RPAP1: variants seen among roughly 807,000 people sequenced by gnomAD.
The protein encoded by RPAP1 is RNA polymerase II-associated protein 1.
A neutral mutation model predicts 142.4 loss-of-function variants in RPAP1; 109 were observed. The observed-to-expected ratio is 0.77, with a 90% confidence interval of 0.66 to 0.90. The LOEUF is 0.90. RPAP1 is among the 40% of genes least tolerant of loss of function. The pLI, the probability that RPAP1 is intolerant of heterozygous loss-of-function variation, is 0.00. For missense variants in RPAP1, 1,546 were observed against 1,751.7 expected (o/e 0.88, Z 2.10); for synonymous variants, 704 against 738.9 (o/e 0.95, Z 0.77).
rs777560659 is a variant in RPAP1 at position 41,518,035 on chromosome 15, A to G, written c.3943T>C (p.Phe1315Leu). ...CTCTGTGGGTCCTGAGAGAAGATGA[A>G]GCTATTGACATGAGCCACAGCCACA... ...YAVAVAHVNS[F>L]IFSQDPQSSD... The change falls in exon 23 of 25, where the codon TTC becomes CTC. Residue 1315 changes from phenylalanine to leucine, a missense_variant. Phe to Leu is a conservative substitution (Grantham distance 22, BLOSUM62 0). This residue lies in a region of RPAP1 where 210 missense variants were observed against 248.0 expected (regional missense o/e 0.85). Transcript: ENST00000304330. The G allele has an allele frequency of 6.2e-7, 1 of 1,614,072 alleles. No homozygotes were observed. The highest frequency in any genetic ancestry group is 1.6e-4 in the Middle Eastern group (1 of 6,062).
chr15:41,518,233 A>T (rs757975028), intron 22 of RPAP1, 51 bp from the exon 23 acceptor site: 1 of 1,476,658 alleles, frequency 6.8e-7, no homozygotes. Flanking sequence ...ATGTATATAC[A>T]TACATAAGGT....
intron 7 of RPAP1, among the ~76,000 whole-genome samples, chr15:41,530,435 T>C (rs889660245): frequency 6.6e-6 from 1 of 152,148 alleles, no homozygotes; most frequent in Non-Finnish European, 1.5e-5. Flanking sequence ...TTTTCCTCCT[T>C]CACGCCTACC....
At chr15:41,523,131 C>T in intron 18 of RPAP1, 114 bp downstream of exon 18, 2 of 969,404 alleles carry the variant, frequency 2.1e-6, no homozygotes, top group Non-Finnish European at 3.0e-6. Context: ...TCGGGTTTCC[C>T]TCGGGCCGAG....
chr15:41,531,637 T>A lies in RPAP1; in HGVS notation c.764-435A>T, dbSNP rs28507543. Reference sequence around the variant, plus strand: ...TATATATATATATATATTTTTTTTTTTTTTTTTTTTTTTTTTTTTTTGAGA... The same window carrying A: ...TATATATATATATATATTTTTTTTTATTTTTTTTTTTTTTTTTTTTTGAGA... On this transcript the variant is annotated intron_variant, in intron 6 of 24. Coordinates refer to ENST00000304330, the MANE Select transcript of RPAP1 (RefSeq NM_015540.4). Among the ~76,000 whole-genome samples the A allele has an allele frequency of 2.5e-3, 128 of 50,532 alleles. 3 individuals carry two copies. Among genetic ancestry groups the A allele is most frequent in the South Asian group, 0.01 (18 of 1,726 alleles). 33.2% of individuals were successfully genotyped at this position (50,532 alleles called of 152,430 possible).
chr15:41,523,505 C>T (rs2051753722), intron 17 of RPAP1, 151 bp from the exon 18 acceptor site: 6 of 656,112 alleles, frequency 9.1e-6, no homozygotes, highest in South Asian at 1.9e-5. Context: ...GAGAAGGCCC[C>T]GATGTGTAGG....
chr15:41,523,030 G>A, intron 18 of RPAP1, 70 bp from the exon 19 acceptor site: 3 of 1,350,106 alleles, frequency 2.2e-6, no homozygotes, highest in Non-Finnish European at 3.0e-6. Flanking sequence ...GAGCTTCTGG[G>A]TCTGTACCTA....
chr15:41,520,317 TC>T (rs2051710789), intron 22 of RPAP1, 73 bp downstream of exon 22: 1 of 1,528,258 alleles, frequency 6.5e-7, no homozygotes, highest in Non-Finnish European at 9.0e-7. Flanking sequence ...CTTCCAAAGC[TC>T]CTCAAGGCTC....
In RPAP1 at chr15:41,535,646, A is replaced by G. The variant is rs927364355; in HGVS notation, c.421-14T>C. ...TGCTGATTTCCCCTGTGGGGCAAAA[A>G]GAAAACCCAGGTTACTGATGCTCAT... On this transcript the variant is annotated splice_polypyrimidine_tract_variant and intron_variant, in intron 4 of 24. Coordinates refer to ENST00000304330, the MANE Select transcript of RPAP1 (RefSeq NM_015540.4). 1 of 1,609,204 alleles carries G rather than the reference A, an allele frequency of 6.2e-7. No homozygotes were observed.
At position 41,520,553 on chromosome 15, in the gene RPAP1, A is replaced by G. The variant is rs774317133; in HGVS notation, c.3633T>C (p.Tyr1211=). 3.1e-6 allele frequency: 5 copies of G among 1,614,112 alleles called. No individual in the cohort carries two copies. Among genetic ancestry groups the G allele is most frequent in the Admixed American group, 1.7e-5 (1 of 60,016 alleles). ...LPGLTSFPDL[Y]ANFLDHFEAV... ...CCTCAAAATGATCCAGGAAGTTGGC[A>G]TAGAGGTCAGGGAAAGACGTCAGGC... Residue 1211 remains tyrosine (Y), a synonymous_variant, in exon 22 of 25, where the codon TAT becomes TAC. Coordinates refer to ENST00000304330, the MANE Select transcript of RPAP1 (RefSeq NM_015540.4).
At chr15:41,530,926 A>T in intron 7 of RPAP1, 97 bp downstream of exon 7, 1 of 1,234,976 alleles carries the variant, frequency 8.1e-7, no homozygotes, top group South Asian at 1.5e-5. Flanking sequence ...GTCCAAAAGC[A>T]CAGAAGCTTC....
rs1399855877 is a variant in RPAP1, at chr15:41,523,849, C to T, written c.2358G>A (p.Glu786=). The change falls in exon 17 of 25, where the codon GAG becomes GAA. Residue 786 remains glutamate (E), a synonymous_variant. Transcript: ENST00000304330. ...GCACTGGGCCCACGGCTCTCCACATCTCAGGTCTGGACAGCAACTTCAAGG... is the reference window on the plus strand; with the variant it reads ...GCACTGGGCCCACGGCTCTCCACATTTCAGGTCTGGACAGCAACTTCAAGG... ...RQTLKLLSRP[E]MWRAVGPVPV... 6.2e-7 allele frequency: 1 copy of T among 1,609,462 alleles called. No individual in the cohort carries two copies. The highest frequency in any genetic ancestry group is 1.3e-5 in the African/African-American group (1 of 74,846).
chr15:41,523,223 A>C, intron 18 of RPAP1, 22 bp downstream of exon 18: 1 of 1,468,582 alleles, frequency 6.8e-7, no homozygotes, highest in Non-Finnish European at 9.2e-7. Flanking sequence ...TGCTTCCCCC[A>C]GCTACCAAAC....
intron 17 of RPAP1, 115 bp downstream of exon 17, chr15:41,523,656 G>T: frequency 1.1e-6 from 1 of 913,262 alleles, no homozygotes; most frequent in Non-Finnish European, 1.7e-6. Flanking sequence ...TAAAAGGGAA[G>T]ATAGTAAATG....
Position 41,529,890 on chromosome 15 carries a change from G to C in RPAP1, c.1033C>G (p.Pro345Ala), listed in dbSNP as rs766594017. The change falls in exon 8 of 25, where the codon CCT becomes GCT. Residue 345 changes from proline (P) to alanine (A), a missense_variant. By Grantham distance (27) the Pro-to-Ala change is conservative (BLOSUM62 -1). Around this residue, in one of 3 missense-constraint regions of RPAP1, gnomAD observed 1,333 missense variants for 1,486.6 expected, o/e 0.90. Coordinates refer to ENST00000304330, the MANE Select transcript of RPAP1 (RefSeq NM_015540.4). ...TCCTGTGTCTGCTGCCGCCGGACAG[G>C]GGGCAAGTCCTGGGTCCAGTGGAGC... ...EKLHWTQDLP[P>A]VRRQQTQERM... The C allele has an allele frequency of 1.2e-5, 19 of 1,612,204 alleles. No homozygotes were observed. The highest frequency in any genetic ancestry group is 1.6e-5 in the Non-Finnish European group (19 of 1,179,086).
chr15:41,517,714 A>G (rs1166933954), intron 24 of RPAP1, 23 bp from the exon 25 acceptor site: 1 of 1,613,356 alleles, frequency 6.2e-7, no homozygotes. Context: ...AAGAAAACTT[A>G]TGAAGTGGGT....
intron 14 of RPAP1, among the ~76,000 whole-genome samples, chr15:41,525,793 T>C (rs2051785393): frequency 6.6e-6 from 1 of 152,056 alleles, no homozygotes; most frequent in African/African-American, 2.4e-5. Flanking sequence ...TAGCCGGGAT[T>C]ACAGGCGCAT....
At chr15:41,543,782 T>C (rs2051993531) in intron 1 of RPAP1, 1 of 149,928 alleles carries the variant, frequency 6.7e-6, no homozygotes, top group Admixed American at 6.7e-5. Context: ...AAGAATGGGT[T>C]GGCCGGGCGC....
At position 41,522,966 on chromosome 15, in the gene RPAP1, GGTGAA is replaced by G; in HGVS notation, c.2547-11_2547-7del. 1 of 1,521,974 alleles carries G rather than the reference GGTGAA, an allele frequency of 6.6e-7. No individual in the cohort carries two copies. Among genetic ancestry groups the G allele is most frequent in the Non-Finnish European group, 8.7e-7 (1 of 1,143,748 alleles). The allele number at this position is 1,521,974 out of a possible 1,614,324, so 94.3% of individuals were successfully genotyped here. A position where few individuals can be genotyped will look rare whatever the true frequency, so the allele number is the denominator to read the frequency against. On this transcript the variant is annotated splice_region_variant and splice_polypyrimidine_tract_variant and intron_variant, in intron 18 of 24. Coordinates refer to ENST00000304330, the MANE Select transcript of RPAP1 (RefSeq NM_015540.4). ...TGCAGAGAAGGGAGCAGTGCCTGTAGGTGAAGTGGAGAGTCTGAGGGGGACTCTGG... is the reference window on the plus strand; with the variant it reads ...TGCAGAGAAGGGAGCAGTGCCTGTAGGTGGAGAGTCTGAGGGGGACTCTGG...
Position 41,529,961 on chromosome 15 carries a change from G to C in RPAP1, c.962C>G (p.Thr321Ser), listed in dbSNP as rs771134892. 1.3e-5 allele frequency: 21 copies of C among 1,614,004 alleles called. No homozygotes were observed. In the Admixed American group the frequency reaches 3.3e-4, roughly 26 times the overall value. Residue 321 changes from threonine (T) to serine (S), a missense_variant, in exon 8 of 25, where the codon ACC becomes AGC. Physicochemically the swap from Thr to Ser is moderately conservative, Grantham distance 58 (BLOSUM62 1). Coordinates refer to ENST00000304330, the MANE Select transcript of RPAP1 (RefSeq NM_015540.4). ...PEAPALALPV[T>S]PQKEWLHMDT... ...CATGTGCAGCCATTCTTTCTGAGGGGTCACGGGCAATGCCAGAGCTGGGGA... is the reference window on the plus strand; with the variant it reads ...CATGTGCAGCCATTCTTTCTGAGGGCTCACGGGCAATGCCAGAGCTGGGGA...
Sources: gnomAD v4.1 joint callset for allele counts (sites outside exome capture counted in the v4.1 genomes callset) on GRCh38, gnomAD v4.1.1 for gene constraint, gnomAD v4.1.1 regional missense constraint, MANE v1.5 for transcripts, NCBI Gene and HGNC (gene_info 2026-07-23, HGNC 2026-07-21) for gene names.